ITGA10: variants seen among roughly 807,000 people sequenced by gnomAD.
ITGA10 encodes integrin alpha-10.
A neutral mutation model predicts 145.2 loss-of-function variants in ITGA10; 105 were observed. The observed-to-expected ratio is 0.72, with a 90% CI of 0.62 to 0.85. The LOEUF (loss-of-function observed/expected upper bound fraction) is 0.85. Ranked by LOEUF, ITGA10 falls within the 40% of genes least tolerant of loss-of-function variation. The probability of loss-of-function intolerance (pLI) is 0.00; values close to 1 mark genes in which losing one functional copy is unlikely to be tolerated. For synonymous variants in ITGA10, 506 were observed against 557.8 expected (o/e 0.91, Z 1.31); for missense variants, 1,317 against 1,444.5 (o/e 0.91, Z 1.43).
At chr1:145,896,694 TGGAAG>T in intron 23 of ITGA10, 70 bp downstream of exon 23, 1 of 1,251,526 alleles carries the variant, frequency 8.0e-7, no homozygotes, top group Non-Finnish European at 1.2e-6. Flanking sequence ...CTGAGGCACA[TGGAAG>T]GGGAGGGAAG....
At chr1:145,893,433 C>T in intron 28 of ITGA10, 107 bp downstream of exon 28, 2 of 977,880 alleles carry the variant, frequency 2.0e-6, no homozygotes, top group Non-Finnish European at 1.6e-6. Flanking sequence ...CACTAGGATC[C>T]TGCTGCCTGA....
intron 17 of ITGA10, 97 bp downstream of exon 17, chr1:145,898,839 T>G: frequency 7.0e-7 from 1 of 1,427,434 alleles, no homozygotes; most frequent in African/African-American, 1.4e-5. Flanking sequence ...TTTCCCGGCT[T>G]TGGCTTTCTT....
At chr1:145,897,402 G>A (rs1368399104) in intron 20 of ITGA10, 63 bp from the exon 21 acceptor site, 8 of 1,594,998 alleles carry the variant, frequency 5.0e-6, no homozygotes, top group Non-Finnish European at 6.9e-6. Context: ...CCTACCCACA[G>A]CCTCTAAACA....
rs782377233 is a variant in ITGA10, at chr1:145,892,786, C to G, written c.*12G>C. On this transcript the variant is annotated 3_prime_UTR_variant, in exon 30 of 30. Transcript: ENST00000369304. ...GCTGCCAGGGAGGACTTTCTAGACC[C>G]TTATTCTACATTCATTGCTCCAACT... is the stretch of plus-strand genomic sequence containing the variant. The G allele has an allele frequency of 6.2e-7, 1 of 1,605,682 alleles. No individual in the cohort carries two copies. Among genetic ancestry groups the G allele is most frequent in the Admixed American group, 1.7e-5 (1 of 60,004 alleles).
chr1:145,908,463 G>A (rs777054754), intron 1 of ITGA10, among the ~76,000 whole-genome samples: 6 of 151,918 alleles, frequency 3.9e-5, no homozygotes, highest in Non-Finnish European at 8.8e-5. Context: ...CTCCCAACTG[G>A]TCCCCTACCT....
At chr1:145,894,123 T>G (rs1655065238) in intron 27 of ITGA10, among the ~76,000 whole-genome samples, 2 of 148,756 alleles carry the variant, frequency 1.3e-5, no homozygotes, top group East Asian at 2.0e-4. Context: ...TTCTTTTTTT[T>G]TTTTTTGAGA....
chr1:145,896,748 C>T, intron 23 of ITGA10, 21 bp downstream of exon 23: 1 of 1,588,728 alleles, frequency 6.3e-7, no homozygotes, highest in Non-Finnish European at 8.6e-7. Context: ...AACTGGGTCC[C>T]ACCCTAGAAG....
At position 145,901,911 on chromosome 1, in the gene ITGA10, G is replaced by A; in HGVS notation, c.1260C>T (p.Phe420=). The stretch of plus-strand genomic sequence containing the variant: ...CTGCATGGTTCTGCAATGCAGGGGG[G>A]AACTCGTCTTCCAGTGCCATTCGTG... The part of the protein sequence containing the change: ...FPPRMALEDE[F]PPALQNHAAY... The change falls in exon 11 of 30, where the codon TTC becomes TTT. Residue 420 remains phenylalanine, a synonymous_variant. Coordinates refer to ENST00000369304, the MANE Select transcript of ITGA10 (RefSeq NM_003637.5). The surrounding 1 kb of genome is among the most constrained non-coding windows in gnomAD (Gnocchi z 4.3). 6.2e-7 allele frequency: 1 copy of A among 1,614,112 alleles called. No homozygotes were observed. Among genetic ancestry groups the A allele is most frequent in the Non-Finnish European group, 8.5e-7 (1 of 1,180,004 alleles).
Position 145,901,297 on chromosome 1 carries a change from T to C in ITGA10, c.1444-19A>G, listed in dbSNP as rs782265871. 2.5e-6 allele frequency: 4 copies of C among 1,613,458 alleles called. No homozygotes were observed. The highest frequency in any genetic ancestry group is 2.2e-5 in the South Asian group (2 of 91,036). On this transcript the variant is annotated intron_variant, in intron 12 of 29. Coordinates refer to ENST00000369304, the MANE Select transcript of ITGA10 (RefSeq NM_003637.5). This position sits in a 1 kb window ranked among gnomAD's most constrained non-coding sequence, Gnocchi z 4.3. ...AACCAATCTGGGGAATGGTGGGTGA[T>C]GATGACCCCAGAGAAAAGGGAAGGT...
intron 5 of ITGA10, 179 bp downstream of exon 5, chr1:145,906,215 C>T (rs1657119458): frequency 7.2e-6 from 4 of 552,450 alleles, no homozygotes; most frequent in South Asian, 2.0e-5. Context: ...AGGTGTGGGC[C>T]ACCACACCTG....
rs1450900760 is a variant in ITGA10, at chr1:145,906,462, C to T, written c.413G>A (p.Ser138Asn). The change falls in exon 5 of 30, where the codon AGT becomes AAT. Residue 138 changes from serine to asparagine, a missense_variant. By Grantham distance (46) the Ser-to-Asn change is conservative. Coordinates refer to ENST00000369304, the MANE Select transcript of ITGA10 (RefSeq NM_003637.5). ...ATCCACACGGGCACATATCCCAGAACTGAAGACAGAGCTGCCACAAGCACG... is the reference window on the plus strand; with the variant it reads ...ATCCACACGGGCACATATCCCAGAATTGAAGACAGAGCTGCCACAAGCACG... ...WSRACGSSVF[S>N]SGICARVDAS... 1.2e-6 allele frequency: 2 copies of T among 1,614,022 alleles called. No individual in the cohort carries two copies. The highest frequency in any genetic ancestry group is 1.7e-6 in the Non-Finnish European group (2 of 1,180,026).
chr1:145,910,048 T>G lies in ITGA10; in HGVS notation c.-34A>C. ...GGTTTCTGTCCAGTATGAGAAGTCC[T>G]CTGGCCTCTGTCCCTCTCCTTTTCT... is the stretch of plus-strand genomic sequence containing the variant. On this transcript the variant is annotated 5_prime_UTR_variant, in exon 1 of 30. Coordinates refer to ENST00000369304, the MANE Select transcript of ITGA10 (RefSeq NM_003637.5). 1 of 1,568,246 alleles carries G rather than the reference T, an allele frequency of 6.4e-7. No individual in the cohort carries two copies. The highest frequency in any genetic ancestry group is 8.8e-7 in the Non-Finnish European group (1 of 1,138,964).
Position 145,906,497 on chromosome 1 carries a change from A to AG in ITGA10, c.377dup (p.Leu127SerfsTer57). ...AGCTGCCACAAGCACGAGACCAGAG[A>AG]GGGGCACAGGCCTGGGGATGGGGGA... On this transcript the variant is annotated frameshift_variant, in exon 5 of 30. Coordinates refer to ENST00000369304, the MANE Select transcript of ITGA10 (RefSeq NM_003637.5). LOFTEE classifies it high-confidence loss of function. 1 of 1,613,980 alleles carries AG rather than the reference A, an allele frequency of 6.2e-7. No individual in the cohort carries two copies. Among genetic ancestry groups the AG allele is most frequent in the Non-Finnish European group, 8.5e-7 (1 of 1,179,888 alleles).
chr1:145,909,173 G>A (rs1317970132), intron 1 of ITGA10, among the ~76,000 whole-genome samples: 3 of 151,408 alleles, frequency 2.0e-5, no homozygotes, highest in East Asian at 1.9e-4. Flanking sequence ...GGTAGCACAC[G>A]CCTATAGTCC....
At position 145,904,212 on chromosome 1, in the gene ITGA10, G is replaced by A; in HGVS notation, c.610-12C>T. The A allele has an allele frequency of 6.2e-7, 1 of 1,613,930 alleles. No homozygotes were observed. Among genetic ancestry groups the A allele is most frequent in the Non-Finnish European group, 8.5e-7 (1 of 1,179,798 alleles). On this transcript the variant is annotated splice_polypyrimidine_tract_variant and intron_variant, in intron 6 of 29. Coordinates refer to ENST00000369304, the MANE Select transcript of ITGA10 (RefSeq NM_003637.5). Reference sequence around the variant, plus strand: ...TGTACCAGTCCCACCTGGGAATAAAGCGCATTCAAATGAAATGTATGTATG... The same window carrying A: ...TGTACCAGTCCCACCTGGGAATAAAACGCATTCAAATGAAATGTATGTATG...
chr1:145,909,193 G>A (rs925344338), intron 1 of ITGA10, among the ~76,000 whole-genome samples: 4 of 151,422 alleles, frequency 2.6e-5, no homozygotes, highest in Non-Finnish European at 4.4e-5. Context: ...CCAGCTACTC[G>A]GGAGGCTAAG....
intron 4 of ITGA10, 75 bp downstream of exon 4, chr1:145,906,657 AT>A: frequency 2.9e-6 from 4 of 1,362,276 alleles, no homozygotes; most frequent in Non-Finnish European, 4.2e-6. Context: ...CACACAGACC[AT>A]TTTCCCTTAC....
chr1:145,897,638 C>G lies in ITGA10; in HGVS notation c.2448G>C (p.Val816=), dbSNP rs139482052. ...DIRGSRKAPF[V]VRGGRRKVLV... The stretch of plus-strand genomic sequence containing the variant: ...GCACTTTCCGCCGGCCACCTCGAAC[C>G]ACAAATGGGGCCTTCCTGGGAATGA... Residue 816 remains valine, a synonymous_variant, in exon 20 of 30, where the codon GTG becomes GTC. Transcript: ENST00000369304. The G allele has an allele frequency of 8.7e-6, 14 of 1,614,138 alleles. No homozygotes were observed. In the African/African-American group the frequency reaches 1.6e-4, roughly 18 times the overall value.
At chr1:145,909,927 A>C in intron 1 of ITGA10, 36 bp downstream of exon 1, 2 of 1,576,274 alleles carry the variant, frequency 1.3e-6, no homozygotes, top group Non-Finnish European at 8.7e-7. Flanking sequence ...TGTATCTTCC[A>C]TCCCCACCAG....
Sources: gnomAD v4.1 joint callset for allele counts (sites outside exome capture counted in the v4.1 genomes callset) on GRCh38, gnomAD v4.1.1 for gene constraint, Gnocchi (gnomAD v3.1) non-coding constraint, MANE v1.5 for transcripts, NCBI Gene and HGNC (gene_info 2026-07-23, HGNC 2026-07-21) for gene names.